EIPR1: variants seen among roughly 807,000 people sequenced by gnomAD.
EIPR1 encodes the protein EARP complex and GARP complex interacting protein 1.
A neutral mutation model predicts 48.1 loss-of-function variants in EIPR1; 25 were observed. That is an observed-to-expected ratio of 0.52 (90% CI 0.38 to 0.73). EIPR1 has a LOEUF of 0.73. Ranked by LOEUF, EIPR1 falls within the 30% of genes least tolerant of loss-of-function variation. The probability of loss-of-function intolerance (pLI) is 0.00; values close to 1 mark genes in which losing one functional copy is unlikely to be tolerated. For missense variants in EIPR1, 415 were observed against 506.2 expected, an observed-to-expected ratio of 0.82 and a Z score of 1.73; for synonymous variants, 204 against 201.9, an observed-to-expected ratio of 1.01 and a Z score of -0.09.
intron 3 of EIPR1, among the ~76,000 whole-genome samples, chr2:3,323,831 C>T (rs1395606495): frequency 6.6e-6 from 1 of 152,174 alleles, no homozygotes; most frequent in Non-Finnish European, 1.5e-5. Flanking sequence ...GCTAAATGAA[C>T]CCATCTGCAT....
At chr2:3,321,422 C>T (rs1330895161) in intron 3 of EIPR1, among the ~76,000 whole-genome samples, 4 of 152,192 alleles carry the variant, frequency 2.6e-5, no homozygotes, top group Admixed American at 6.5e-5. Flanking sequence ...TTTAAGCAGG[C>T]ACTTGACGAT....
chr2:3,295,437 A>G, intron 3 of EIPR1, among the ~76,000 whole-genome samples: 1 of 134,234 alleles, frequency 7.4e-6, no homozygotes, highest in Non-Finnish European at 1.6e-5. Context: ...CTCTGCACAC[A>G]CACACCCTCC....
intron 1 of EIPR1, among the ~76,000 whole-genome samples, chr2:3,365,539 G>T (rs1250878255): frequency 1.3e-5 from 2 of 150,500 alleles, no homozygotes; most frequent in African/African-American, 4.9e-5. Context: ...CGCAGAGGGG[G>T]ATTTGGCAGG....
intron 1 of EIPR1, among the ~76,000 whole-genome samples, chr2:3,359,537 T>TA (rs1008334657): frequency 1.5e-4 from 23 of 151,228 alleles, no homozygotes; most frequent in South Asian, 2.1e-4. Context: ...GACACTTCTT[T>TA]AAAAAAAAAT....
intron 4 of EIPR1, among the ~76,000 whole-genome samples, chr2:3,218,137 G>A (rs946668097): frequency 4.0e-5 from 6 of 151,834 alleles, no homozygotes; most frequent in South Asian, 2.1e-4. Context: ...ACACGGCCCC[G>A]ATACACTCTA....
intron 2 of EIPR1, among the ~76,000 whole-genome samples, chr2:3,341,847 G>A (rs1312797266): frequency 6.6e-6 from 1 of 152,096 alleles, no homozygotes; most frequent in Non-Finnish European, 1.5e-5. Context: ...TATCTTACAG[G>A]CAGAAACGCA....
intron 4 of EIPR1, among the ~76,000 whole-genome samples, chr2:3,250,793 G>T (rs965514162): frequency 1.3e-5 from 2 of 152,146 alleles, no homozygotes; most frequent in African/African-American, 4.8e-5. Context: ...GTTTAAAAGA[G>T]TCTGGCAGCT....
At chr2:3,200,369 G>A (rs541320477) in intron 5 of EIPR1, among the ~76,000 whole-genome samples, 47 of 152,288 alleles carry the variant, frequency 3.1e-4, no homozygotes, top group Non-Finnish European at 3.8e-4. Flanking sequence ...TAGGAAAAGC[G>A]CGGGGCTTTT....
At chr2:3,269,595 ACTCAATCG>A (rs1180734889) in intron 3 of EIPR1, among the ~76,000 whole-genome samples, 10,626 of 62,982 alleles carry the variant, frequency 0.17, 3,237 homozygotes, top group East Asian at 0.35. Flanking sequence ...CAATCATCGC[ACTCAATCG>A]CACTCAATCA....
At chr2:3,339,816 G>A (rs1041225458) in intron 2 of EIPR1, among the ~76,000 whole-genome samples, 1 of 152,338 alleles carries the variant, frequency 6.6e-6, no homozygotes, top group East Asian at 1.9e-4. Flanking sequence ...CGGGCGTGGT[G>A]GCGGGCACCT....
At chr2:3,340,825 G>A (rs192036358) in intron 2 of EIPR1, among the ~76,000 whole-genome samples, 9 of 152,170 alleles carry the variant, frequency 5.9e-5, no homozygotes, top group Non-Finnish European at 1.2e-4. Context: ...GGCCAGGCGC[G>A]GTGGCTGACA....
intron 3 of EIPR1, among the ~76,000 whole-genome samples, chr2:3,298,003 A>G (rs1420178083): frequency 1.3e-5 from 2 of 152,236 alleles, no homozygotes; most frequent in African/African-American, 2.4e-5. Context: ...ATACTTTCTC[A>G]GTGCCTACTA....
chr2:3,256,583 C>T (rs531043307), intron 4 of EIPR1, among the ~76,000 whole-genome samples: 31 of 152,370 alleles, frequency 2.0e-4, no homozygotes, highest in Non-Finnish European at 3.8e-4. Flanking sequence ...TGCAGACACA[C>T]ACGCACATGT....
At chr2:3,280,968 T>C (rs1667995761) in intron 3 of EIPR1, among the ~76,000 whole-genome samples, 1 of 152,164 alleles carries the variant, frequency 6.6e-6, no homozygotes, top group South Asian at 2.1e-4. Context: ...TCCCTCCTTC[T>C]GGTGACTCAT....
At chr2:3,377,610 C>T in intron 1 of EIPR1, 38 bp downstream of exon 1, 3 of 1,557,936 alleles carry the variant, frequency 1.9e-6, no homozygotes, top group Non-Finnish European at 1.7e-6. Context: ...TATCAACAGC[C>T]AGGCCGAGCA....
chr2:3,274,439 A>G, intron 3 of EIPR1: 1 of 1,549,528 alleles, frequency 6.5e-7, no homozygotes, highest in Non-Finnish European at 8.7e-7. Context: ...AAGTCAGGGC[A>G]GAACTGTTCA....
intron 3 of EIPR1, among the ~76,000 whole-genome samples, chr2:3,263,125 C>A (rs1339411487): frequency 6.6e-6 from 1 of 152,200 alleles, no homozygotes; most frequent in African/African-American, 2.4e-5. Flanking sequence ...TTGGCAGGCG[C>A]TGTCAGACGG....
intron 4 of EIPR1, among the ~76,000 whole-genome samples, chr2:3,257,064 C>T (rs190883663): frequency 6.6e-6 from 1 of 152,368 alleles, no homozygotes; most frequent in African/African-American, 2.4e-5. Context: ...GGCAACACTC[C>T]TCTTAGATGA....
intron 4 of EIPR1, among the ~76,000 whole-genome samples, chr2:3,239,125 C>G (rs1159779750): frequency 2.0e-5 from 3 of 152,196 alleles, no homozygotes; most frequent in East Asian, 3.9e-4. Context: ...ACAGCAGACC[C>G]CACCCGGCCA....
Sources: allele counts gnomAD v4.1 joint callset (sites outside exome capture counted in the v4.1 genomes callset), GRCh38; gene constraint gnomAD v4.1.1; transcripts MANE v1.5; gene names NCBI Gene and HGNC (gene_info 2026-07-23, HGNC 2026-07-21).